FLI1: variants seen among roughly 807,000 people sequenced by gnomAD.
FLI1 encodes the protein Fli-1 proto-oncogene, ETS transcription factor, also known as Friend leukemia integration 1 transcription factor.
A neutral mutation model predicts 53.1 loss-of-function variants in FLI1; 13 were observed. The observed-to-expected ratio is 0.24, with a 90% confidence interval of 0.16 to 0.39. The LOEUF is 0.39. Among genes scored for constraint, FLI1 ranks in the 10% least tolerant of loss-of-function variants. The pLI is 1.00. For synonymous variants in FLI1, 244 were observed against 236.7 expected, an observed-to-expected ratio of 1.03 and a Z score of -0.28; for missense variants, 424 against 600.5, an observed-to-expected ratio of 0.71 and a Z score of 3.07.
upstream of FLI1, among the ~76,000 whole-genome samples, chr11:128,689,694 C>A (rs1018255325): frequency 2.6e-5 from 4 of 152,232 alleles, no homozygotes; most frequent in African/African-American, 4.8e-5. Flanking sequence ...CCCATCCCAA[C>A]GGCCCCATCT....
chr11:128,688,304 C>T (rs1937617198), intron 1 of FLI1, among the ~76,000 whole-genome samples: 1 of 152,228 alleles, frequency 6.6e-6, no homozygotes, highest in Admixed American at 6.5e-5. Flanking sequence ...GAGCTGTGGG[C>T]CGCCAGAGAA....
chr11:128,727,935 TGCTCTCTTCTCTG>T (rs1346003987), intron 1 of FLI1, among the ~76,000 whole-genome samples: 5 of 152,360 alleles, frequency 3.3e-5, no homozygotes, highest in African/African-American at 1.2e-4. Flanking sequence ...CAGGCATTCC[TGCTCTCTTCTCTG>T]TCCCACACCG....
chr11:128,799,465 C>T (rs1246845440), intron 5 of FLI1, among the ~76,000 whole-genome samples: 1 of 152,116 alleles, frequency 6.6e-6, no homozygotes, highest in Non-Finnish European at 1.5e-5. Context: ...CCGTAGAAAG[C>T]ACCTGTTATT....
intron 1 of FLI1, among the ~76,000 whole-genome samples, chr11:128,745,329 G>C (rs115791288): frequency 6.6e-6 from 1 of 152,064 alleles, no homozygotes; most frequent in Non-Finnish European, 1.5e-5. Context: ...GCGCAGAGAC[G>C]GCCCTGGCTG....
intron 5 of FLI1, among the ~76,000 whole-genome samples, chr11:128,783,382 A>G (rs192670617): frequency 5.4e-4 from 83 of 152,340 alleles, no homozygotes; most frequent in Non-Finnish European, 1.5e-4. Context: ...CATTTAGTGG[A>G]AGAATTATAC....
chr11:128,686,925 G>A (rs1865814642), intron 1 of FLI1: 1 of 158,288 alleles, frequency 6.3e-6, no homozygotes. Flanking sequence ...CTAGTGTTTG[G>A]GAAACTTGGA....
intron 1 of FLI1, among the ~76,000 whole-genome samples, chr11:128,726,733 C>G (rs1031126122): frequency 2.0e-5 from 3 of 152,196 alleles, no homozygotes; most frequent in Admixed American, 1.3e-4. Flanking sequence ...TCTTGGGGTG[C>G]TTTGCCCATA....
intron 4 of FLI1, among the ~76,000 whole-genome samples, chr11:128,780,629 C>T (rs933733526): frequency 3.4e-4 from 52 of 152,196 alleles, no homozygotes; most frequent in Non-Finnish European, 6.3e-4. Context: ...TCTTCCTCAT[C>T]GTCTGGCTTG....
At chr11:128,723,238 C>A (rs1166771028) in intron 1 of FLI1, among the ~76,000 whole-genome samples, 30 of 152,130 alleles carry the variant, frequency 2.0e-4, no homozygotes, top group Admixed American at 2.0e-3. Flanking sequence ...CAGCTGGCAC[C>A]ATGGCACAAT....
chr11:128,738,755 C>T (rs1330802979), intron 1 of FLI1, among the ~76,000 whole-genome samples: 1 of 152,128 alleles, frequency 6.6e-6, no homozygotes, highest in Non-Finnish European at 1.5e-5. Context: ...ATGCAGGTGT[C>T]GTCGTTATTA....
chr11:128,690,270 G>C (rs544373684), upstream of FLI1, among the ~76,000 whole-genome samples: 31 of 152,286 alleles, frequency 2.0e-4, no homozygotes, highest in Admixed American at 1.7e-3. Context: ...TTGCCAGCTC[G>C]GATACCCGCT....
chr11:128,704,264 C>G (rs527590420), intron 1 of FLI1, among the ~76,000 whole-genome samples: 1 of 152,058 alleles, frequency 6.6e-6, no homozygotes, highest in African/African-American at 2.4e-5. Context: ...CCCATAATCT[C>G]AGGGCTACAT....
chr11:128,751,275 T>G (rs546446721), intron 1 of FLI1, among the ~76,000 whole-genome samples: 1 of 152,296 alleles, frequency 6.6e-6, no homozygotes, highest in South Asian at 2.1e-4. Context: ...TCTGGCTTTA[T>G]CTGAACTCCC....
At chr11:128,767,982 C>G (rs538735237) in intron 2 of FLI1, 136 bp from the exon 3 acceptor site, 9 of 695,716 alleles carry the variant, frequency 1.3e-5, no homozygotes, top group Middle Eastern at 4.1e-4. Flanking sequence ...AGGGCATCAT[C>G]ATCATCATGA....
At chr11:128,735,583 G>A (rs537637923) in intron 1 of FLI1, among the ~76,000 whole-genome samples, 63 of 152,298 alleles carry the variant, frequency 4.1e-4, no homozygotes, top group African/African-American at 1.4e-3. Context: ...TCAATTTGAT[G>A]ATGGAGAAAT....
At chr11:128,753,350 T>G (rs1357601652) in intron 1 of FLI1, among the ~76,000 whole-genome samples, 1 of 152,238 alleles carries the variant, frequency 6.6e-6, no homozygotes, top group East Asian at 1.9e-4. Context: ...TAAAGCCTCA[T>G]GGACCCCACA....
intron 1 of FLI1, among the ~76,000 whole-genome samples, chr11:128,712,876 C>G (rs1301320514): frequency 3.9e-5 from 6 of 152,126 alleles, no homozygotes; most frequent in African/African-American, 1.4e-4. Flanking sequence ...TACTTCTCAC[C>G]CATGGATAAT....
At chr11:128,764,706 C>A in intron 2 of FLI1, 2 of 1,550,810 alleles carry the variant, frequency 1.3e-6, no homozygotes, top group Non-Finnish European at 1.7e-6. Flanking sequence ...CCTGTACCCA[C>A]CCTGAGCGGC....
chr11:128,710,171 T>C (rs1392391319), intron 1 of FLI1, among the ~76,000 whole-genome samples: 1 of 152,170 alleles, frequency 6.6e-6, no homozygotes, highest in Non-Finnish European at 1.5e-5. Context: ...CACAACCAAG[T>C]ATGATTATGT....
Sources: allele counts gnomAD v4.1 joint callset (sites outside exome capture counted in the v4.1 genomes callset), GRCh38; gene constraint gnomAD v4.1.1; transcripts MANE v1.5; gene names NCBI Gene and HGNC (gene_info 2026-07-23, HGNC 2026-07-21).